The following PTK2 variants were observed in gnomAD, a reference collection of about 807,000 sequenced individuals.
The protein encoded by PTK2 is protein tyrosine kinase 2, also known as focal adhesion kinase 1.
A neutral mutation model predicts 150.1 loss-of-function variants in PTK2; 45 were observed. The ratio of observed to expected loss-of-function variants is 0.30; its 90% CI spans 0.24 to 0.38. The LOEUF is 0.38. Ranked by LOEUF, PTK2 falls within the 10% of genes least tolerant of loss-of-function variation. The pLI, the probability that PTK2 is intolerant of heterozygous loss-of-function variation, is 1.00. For synonymous variants in PTK2, 432 were observed against 449.2 expected, an observed-to-expected ratio of 0.96 and a Z score of 0.48; for missense variants, 919 against 1,307.3, an observed-to-expected ratio of 0.70 and a Z score of 4.58.
intron 2 of PTK2, among the ~76,000 whole-genome samples, chr8:140,915,130 C>T (rs1436695835): frequency 6.6e-6 from 1 of 150,476 alleles, no homozygotes; most frequent in African/African-American, 2.5e-5. Context: ...ATGGGGTGTA[C>T]ATTTCACTGA....
chr8:140,776,635 G>C (rs1457063667), intron 14 of PTK2, among the ~76,000 whole-genome samples: 1 of 152,218 alleles, frequency 6.6e-6, no homozygotes, highest in Non-Finnish European at 1.5e-5. Context: ...TTAGTGAGTG[G>C]AGAAGGGGAG....
Position 140,890,414 on chromosome 8 carries a change from T to C in PTK2, c.195+129A>G, listed in dbSNP as rs947128992. 16 of 708,062 alleles carry C rather than the reference T, an allele frequency of 2.3e-5. 1 individual carries two copies. Among genetic ancestry groups the C allele is most frequent in the African/African-American group, 1.6e-4 (9 of 56,126 alleles). The allele number at this position is 708,062 out of a possible 1,614,324, so 43.9% of individuals were successfully genotyped here. A position where few individuals can be genotyped will look rare whatever the true frequency, so the allele number is the denominator to read the frequency against. On this transcript the variant is annotated intron_variant, in intron 3 of 31. Coordinates refer to ENST00000522684, the Ensembl canonical transcript of PTK2. ...AACTAATAAATCTTATAATTAAAAA[T>C]AGCATTTCTGTAATATGAAAAGTCC...
At chr8:140,811,775 A>G (rs1334507756) in intron 10 of PTK2, among the ~76,000 whole-genome samples, 1 of 152,240 alleles carries the variant, frequency 6.6e-6, no homozygotes, top group East Asian at 1.9e-4. Flanking sequence ...ATGCAACCGT[A>G]AGTATTAATA....
intron 23 of PTK2, among the ~76,000 whole-genome samples, chr8:140,713,379 G>A (rs1591715785): frequency 6.6e-6 from 1 of 152,324 alleles, no homozygotes; most frequent in Middle Eastern, 3.4e-3. Flanking sequence ...TTGTGCCTCA[G>A]CCTCCTGGGT....
At chr8:140,787,324 TCAGCTTTACAACAA>T (rs1488945688) in intron 14 of PTK2, among the ~76,000 whole-genome samples, 2 of 152,232 alleles carry the variant, frequency 1.3e-5, no homozygotes, top group African/African-American at 4.8e-5. Flanking sequence ...CATAGTCTCC[TCAGCTTTACAACAA>T]GAAAACTATC....
At chr8:140,931,551 A>T (rs1390393185) in intron 1 of PTK2, among the ~76,000 whole-genome samples, 1 of 152,118 alleles carries the variant, frequency 6.6e-6, no homozygotes, top group Non-Finnish European at 1.5e-5. Flanking sequence ...AGGTGACAGA[A>T]CAAGACCTTG....
chr8:140,855,503 G>A (rs939960738), intron 5 of PTK2, among the ~76,000 whole-genome samples: 1 of 152,094 alleles, frequency 6.6e-6, no homozygotes, highest in African/African-American at 2.4e-5. Context: ...GCTGAGGCAG[G>A]AGAATCGCCT....
chr8:140,873,537 CT>C, intron 4 of PTK2, among the ~76,000 whole-genome samples: 1 of 152,114 alleles, frequency 6.6e-6, no homozygotes, highest in Non-Finnish European at 1.5e-5. Context: ...ACGATCTCGG[CT>C]CACTGCAACC....
intron 4 of PTK2, among the ~76,000 whole-genome samples, chr8:140,865,210 CTT>C (rs2100138602): frequency 6.6e-6 from 1 of 152,208 alleles, no homozygotes; most frequent in African/African-American, 2.4e-5. Flanking sequence ...TGACTATCCT[CTT>C]TTGTGAAGTG....
intron 1 of PTK2, among the ~76,000 whole-genome samples, chr8:140,927,844 A>T (rs945138485): frequency 3.3e-5 from 5 of 149,310 alleles, no homozygotes; most frequent in Non-Finnish European, 5.9e-5. Flanking sequence ...AATCCCAGCT[A>T]CTTGGGAGGC....
chr8:140,804,687 G>T (rs2100097299), intron 10 of PTK2, among the ~76,000 whole-genome samples: 2 of 152,176 alleles, frequency 1.3e-5, no homozygotes, highest in Non-Finnish European at 2.9e-5. Context: ...CCTTCCCATT[G>T]CATGGCGAAC....
At chr8:140,666,767 T>G (rs903985392) in intron 30 of PTK2, among the ~76,000 whole-genome samples, 2 of 152,200 alleles carry the variant, frequency 1.3e-5, no homozygotes, top group Non-Finnish European at 2.9e-5. Flanking sequence ...CAATTCTGAG[T>G]ATACACTCAA....
intron 31 of PTK2, 73 bp from the exon 36 acceptor site, chr8:140,659,751 T>C: frequency 7.4e-7 from 1 of 1,358,184 alleles, no homozygotes; most frequent in African/African-American, 1.5e-5. Context: ...GAGATGTTCT[T>C]ACTGTGTTGT....
At chr8:140,707,951 T>TG (rs2100034726) in intron 23 of PTK2, among the ~76,000 whole-genome samples, 2 of 152,238 alleles carry the variant, frequency 1.3e-5, no homozygotes, top group South Asian at 4.1e-4. Flanking sequence ...ACCCATAAGA[T>TG]GGGGGTGAGC....
chr8:140,988,587 G>A (rs1470581128), intron 1 of PTK2, among the ~76,000 whole-genome samples: 2 of 152,082 alleles, frequency 1.3e-5, no homozygotes, highest in Non-Finnish European at 2.9e-5. Flanking sequence ...AAAATAGCAG[G>A]GCATGGTGGT....
At chr8:140,696,861 G>A (rs2100026877) in intron 26 of PTK2, among the ~76,000 whole-genome samples, 1 of 152,118 alleles carries the variant, frequency 6.6e-6, no homozygotes, top group Admixed American at 6.5e-5. Context: ...CTGCACTCAT[G>A]GGGTGCTCAG....
chr8:140,658,458 TC>T (rs1329093952), exon 32 of PTK2: 1 of 186,808 alleles, frequency 5.4e-6, no homozygotes, highest in African/African-American at 2.3e-5. Context: ...ATTATATTCT[TC>T]CTGAGAATAA....
chr8:140,901,276 G>C (rs1259021924), intron 2 of PTK2, among the ~76,000 whole-genome samples: 1 of 151,870 alleles, frequency 6.6e-6, no homozygotes, highest in East Asian at 1.9e-4. Context: ...AAATCCACAT[G>C]GAATTAAAGA....
At chr8:140,925,704 G>A (rs2100169187) in exon 2 of PTK2, 1 of 982,094 alleles carries the variant, frequency 1.0e-6, no homozygotes, top group Non-Finnish European at 1.2e-6. Context: ...AACTGCAGAA[G>A]GCACTGAATT....
Sources: gnomAD v4.1 joint callset for allele counts (sites outside exome capture counted in the v4.1 genomes callset) on GRCh38, gnomAD v4.1.1 for gene constraint, MANE v1.5 for transcripts, NCBI Gene and HGNC (gene_info 2026-07-23, HGNC 2026-07-21) for gene names.